The following F2 variants were observed in gnomAD, a reference collection of about 807,000 sequenced individuals.
The protein encoded by F2 is coagulation factor II, thrombin.
A neutral mutation model predicts 81.9 loss-of-function variants in F2; 34 were observed. The ratio of observed to expected loss-of-function variants is 0.42; its 90% confidence interval spans 0.32 to 0.55. The LOEUF is 0.55. Ranked by LOEUF, F2 falls within the 20% of genes least tolerant of loss-of-function variation. The probability of loss-of-function intolerance (pLI) is 0.18; values close to 1 mark genes in which losing one functional copy is unlikely to be tolerated. For missense variants in F2, 630 were observed against 833.4 expected (o/e 0.76, Z 3.00); for synonymous variants, 296 against 326.4 (o/e 0.91, Z 1.01).
At chr11:46,720,237 G>C (rs2064827972) in intron 2 of F2, 1 of 562,614 alleles carries the variant, frequency 1.8e-6, no homozygotes, top group Non-Finnish European at 3.2e-6. Context: ...CTGGAGCTCT[G>C]TGTCGCCTTT....
chr11:46,739,429 C>A lies in F2; in HGVS notation c.*21C>A, dbSNP rs1160117677. ...AGTAGGGGGCCACTCATATTCTGGGCTCCTGGAACCAATCCCGTGAAAGAA... is the reference window on the plus strand; with the variant it reads ...AGTAGGGGGCCACTCATATTCTGGGATCCTGGAACCAATCCCGTGAAAGAA... On this transcript the variant is annotated 3_prime_UTR_variant, in exon 14 of 14. Transcript: ENST00000311907. The A allele has an allele frequency of 2.5e-6, 4 of 1,613,744 alleles. No individual in the cohort carries two copies. Among genetic ancestry groups the A allele is most frequent in the East Asian group, 4.5e-5 (2 of 44,892 alleles).
chr11:46,732,565 T>A (rs1022543827), intron 12 of F2, among the ~76,000 whole-genome samples: 5 of 151,450 alleles, frequency 3.3e-5, no homozygotes, highest in African/African-American at 1.2e-4. Flanking sequence ...GCCTGGCTAA[T>A]TTTTTGTATT....
intron 4 of F2, among the ~76,000 whole-genome samples, chr11:46,721,761 C>T (rs2064837830): frequency 6.6e-6 from 1 of 151,972 alleles, no homozygotes; most frequent in Non-Finnish European, 1.5e-5. Context: ...AACTCCTGGG[C>T]TCAGGCAATT....
rs3136438 is a variant in F2, at chr11:46,721,493, A to G, written c.316+653A>G. On this transcript the variant is annotated intron_variant, in intron 4 of 13. Transcript: ENST00000311907. ...ACCCCCAGCTGCTCTGACACCAAGGACTTCCCTAAGCATGCCAAGGTGTTT... is the reference window on the plus strand; with the variant it reads ...ACCCCCAGCTGCTCTGACACCAAGGGCTTCCCTAAGCATGCCAAGGTGTTT... Among the ~76,000 whole-genome samples, 690 of 152,316 alleles carry G rather than the reference A, an allele frequency of 4.5e-3. 3 individuals carry two copies. The highest frequency in any genetic ancestry group is 0.016 in the African/African-American group (663 of 41,558).
At chr11:46,738,232 T>C (rs372226837) in intron 12 of F2, among the ~76,000 whole-genome samples, 1 of 151,752 alleles carries the variant, frequency 6.6e-6, no homozygotes, top group East Asian at 2.0e-4. Context: ...AACTCCTGAC[T>C]TCATGATCCG....
Position 46,723,391 on chromosome 11 carries a change from C to A in F2, c.432C>A (p.Ser144=), listed in dbSNP as rs777184863. Residue 144 remains serine (S), a synonymous_variant, in exon 6 of 14, where the codon TCC becomes TCA. Coordinates refer to ENST00000311907, the MANE Select transcript of F2 (RefSeq NM_000506.5). The surrounding 1 kb of genome is among the most constrained non-coding windows in gnomAD (Gnocchi z 5.6). ...CAATTTCCTGTTCCAGAATCAACTC[C>A]ACTACCCATCCTGGGGCCGACCTAC... ...SRYPHKPEIN[S]TTHPGADLQE... The A allele has an allele frequency of 1.2e-6, 2 of 1,613,902 alleles. No individual in the cohort carries two copies. The highest frequency in any genetic ancestry group is 2.7e-5 in the African/African-American group (2 of 74,900).
chr11:46,726,828 T>A lies in F2; in HGVS notation c.1121T>A (p.Met374Lys). The change falls in exon 9 of 14, where the codon ATG (methionine) becomes AAG (lysine). Residue 374 changes from methionine (M) to lysine (K), a missense_variant. Coordinates refer to ENST00000311907, the MANE Select transcript of F2 (RefSeq NM_000506.5). This position sits in a 1 kb window ranked among gnomAD's most constrained non-coding sequence, Gnocchi z 5.9. ...IVEGSDAEIG[M>K]SPWQVMLFRK... Reference sequence around the variant, plus strand: ...GAGGGCTCGGATGCAGAGATCGGCATGTCACCTTGGTGTGTCCTGGAGCCC... The same window carrying A: ...GAGGGCTCGGATGCAGAGATCGGCAAGTCACCTTGGTGTGTCCTGGAGCCC... 6.2e-7 allele frequency: 1 copy of A among 1,614,110 alleles called. No individual in the cohort carries two copies. Among genetic ancestry groups the A allele is most frequent in the Non-Finnish European group, 8.5e-7 (1 of 1,180,012 alleles).
Position 46,723,407 on chromosome 11 carries a change from G to A in F2, c.448G>A (p.Ala150Thr). The A allele has an allele frequency of 6.2e-7, 1 of 1,614,046 alleles. No homozygotes were observed. Among genetic ancestry groups the A allele is most frequent in the African/African-American group, 1.3e-5 (1 of 75,008 alleles). ...PEINSTTHPG[A>T]DLQENFCRNP... ...AATCAACTCCACTACCCATCCTGGGGCCGACCTACAGGAGAATTTCTGCCG... is the reference window on the plus strand; with the variant it reads ...AATCAACTCCACTACCCATCCTGGGACCGACCTACAGGAGAATTTCTGCCG... Residue 150 changes from alanine to threonine, a missense_variant, in exon 6 of 14, where the codon GCC becomes ACC. Physicochemically the swap from Ala to Thr is moderately conservative, Grantham distance 58. Transcript: ENST00000311907. The surrounding 1 kb of genome is among the most constrained non-coding windows in gnomAD (Gnocchi z 5.6).
chr11:46,721,952 C>T (rs565155110), intron 4 of F2, among the ~76,000 whole-genome samples: 2 of 151,930 alleles, frequency 1.3e-5, no homozygotes, highest in Non-Finnish European at 2.9e-5. Flanking sequence ...AAGTGATTCT[C>T]CTGCCTTAGC....
At position 46,725,794 on chromosome 11, in the gene F2, CCT is replaced by C. The variant is rs1565703282; in HGVS notation, c.560-64_560-63del. ...AAGCAGCAAGACCGGGGTTCACACC[CCT>C]GTCTGTTCCGGTCCATGTGTGGTCT... On this transcript the variant is annotated intron_variant, in intron 6 of 13. Coordinates refer to ENST00000311907, the MANE Select transcript of F2 (RefSeq NM_000506.5). The C allele has an allele frequency of 1.3e-5, 21 of 1,565,838 alleles. 1 individual carries two copies. In the South Asian group the frequency reaches 1.9e-4, roughly 14 times the overall value.
chr11:46,734,818 A>G (rs1473449731), intron 12 of F2, among the ~76,000 whole-genome samples: 4 of 152,166 alleles, frequency 2.6e-5, no homozygotes, highest in African/African-American at 9.7e-5. Flanking sequence ...CTCAAAAACA[A>G]AACGACAAAA....
At chr11:46,727,884 G>A (rs951750571) in intron 9 of F2, 112 bp from the exon 10 acceptor site, 90 of 1,296,526 alleles carry the variant, frequency 6.9e-5, no homozygotes, top group Non-Finnish European at 8.2e-5. Flanking sequence ...TCTGGGCCCC[G>A]GAGGCAGCTC....
At position 46,729,088 on chromosome 11, in the gene F2, T is replaced by C. The variant is rs2282686; in HGVS notation, c.1472+251T>C. Among the ~76,000 whole-genome samples, 67,411 of 151,882 alleles carry C rather than the reference T, an allele frequency of 0.44. 17,221 individuals are homozygous for C. The highest frequency in any genetic ancestry group is 0.7 in the African/African-American group (28,989 of 41,438). On this transcript the variant is annotated intron_variant, in intron 11 of 13. Transcript: ENST00000311907. ...CTTGGCTCACTGCAACCCCACCTCC[T>C]GGGTTCAAGCGACTCTCCTGCCTCA... is the stretch of plus-strand genomic sequence containing the variant.
chr11:46,720,947 G>A, intron 4 of F2, 107 bp downstream of exon 4: 1 of 1,161,118 alleles, frequency 8.6e-7, no homozygotes, highest in Non-Finnish European at 1.3e-6. Context: ...GCAGTCCCCA[G>A]CATCTGACAT....
chr11:46,720,748 C>T (rs368019807), intron 3 of F2, 42 bp from the exon 4 acceptor site: 27 of 1,610,212 alleles, frequency 1.7e-5, no homozygotes, highest in Non-Finnish European at 2.3e-5. Flanking sequence ...CTCATCCTGG[C>T]CATACCCCAA....
At position 46,727,995 on chromosome 11, in the gene F2, G is replaced by A. The variant is rs1183310195; in HGVS notation, c.1131-1G>A. On this transcript the variant is annotated splice_acceptor_variant, in intron 9 of 13. Coordinates refer to ENST00000311907, the MANE Select transcript of F2 (RefSeq NM_000506.5). LOFTEE classifies it high-confidence loss of function. ...CTAATGCTTCCTGCTGCCCCTCCCAGGCAGGTGATGCTTTTCCGGAAGAGT... is the reference window on the plus strand; with the variant it reads ...CTAATGCTTCCTGCTGCCCCTCCCAAGCAGGTGATGCTTTTCCGGAAGAGT... The A allele has an allele frequency of 6.2e-7, 1 of 1,608,156 alleles. No homozygotes were observed. Among genetic ancestry groups the A allele is most frequent in the Non-Finnish European group, 8.5e-7 (1 of 1,178,174 alleles).
Position 46,728,091 on chromosome 11 carries a change from T to G in F2, c.1226T>G (p.Leu409Arg). The G allele has an allele frequency of 6.2e-7, 1 of 1,611,102 alleles. No homozygotes were observed. The highest frequency in any genetic ancestry group is 8.5e-7 in the Non-Finnish European group (1 of 1,179,024). ...GTCCTCACCGCCGCCCACTGCCTCCTGTACCCGCCCTGGGACAAGAACTTC... is the reference window on the plus strand; with the variant it reads ...GTCCTCACCGCCGCCCACTGCCTCCGGTACCCGCCCTGGGACAAGAACTTC... The part of the protein sequence containing the change: ...RWVLTAAHCL[L>R]YPPWDKNFTE... The change falls in exon 10 of 14, where the codon CTG becomes CGG. Residue 409 changes from leucine (L) to arginine (R), a missense_variant. Coordinates refer to ENST00000311907, the MANE Select transcript of F2 (RefSeq NM_000506.5). This position sits in a 1 kb window ranked among gnomAD's most constrained non-coding sequence, Gnocchi z 5.1.
At chr11:46,737,291 G>A (rs1292791180) in intron 12 of F2, among the ~76,000 whole-genome samples, 37 of 149,872 alleles carry the variant, frequency 2.5e-4, no homozygotes, top group Non-Finnish European at 4.3e-4. Context: ...ACAGGTGCAC[G>A]CCACCATGCC....
chr11:46,729,278 C>G, intron 11 of F2, 102 bp from the exon 12 acceptor site: 1 of 1,324,626 alleles, frequency 7.5e-7, no homozygotes, highest in African/African-American at 1.4e-5. Context: ...CTGTGCCCAG[C>G]CAGCTCTGGC....
Sources: allele counts gnomAD v4.1 joint callset (sites outside exome capture counted in the v4.1 genomes callset), GRCh38; gene constraint gnomAD v4.1.1; non-coding constraint Gnocchi (gnomAD v3.1); transcripts MANE v1.5; gene names NCBI Gene and HGNC (gene_info 2026-07-23, HGNC 2026-07-21).